Variants in ADAMTSL1 observed in about 807,000 individuals in gnomAD.
The protein encoded by ADAMTSL1 is ADAMTS like 1.
In ADAMTSL1, 126 loss-of-function variants were observed where a neutral mutation model predicts 201.8. That is an observed-to-expected ratio of 0.62 (90% confidence interval 0.54 to 0.72). ADAMTSL1 has a LOEUF of 0.72. Among genes scored for constraint, ADAMTSL1 ranks in the 30% least tolerant of loss-of-function variants. The pLI, the probability that ADAMTSL1 is intolerant of heterozygous loss-of-function variation, is 0.00. For synonymous variants in ADAMTSL1, 1,121 were observed against 903.4 expected (o/e 1.24, Z -4.32); for missense variants, 2,679 against 2,277.8 (o/e 1.18, Z -3.59).
chr9:18,119,825 C>G (rs1825423477), intron 1 of ADAMTSL1, among the ~76,000 whole-genome samples: 1 of 152,010 alleles, frequency 6.6e-6, no homozygotes, highest in African/African-American at 2.4e-5. Flanking sequence ...GTAACAGAAA[C>G]CAAGACAGAA....
Position 18,182,068 on chromosome 9 carries a change from C to T in ADAMTSL1, c.207+18087C>T, listed in dbSNP as rs1038926974. 9.6e-5 allele frequency among the ~76,000 whole-genome samples: 14 copies of T among 146,214 alleles called. No homozygotes were observed. In the East Asian group the frequency reaches 2.0e-3, roughly 21 times the overall value. On this transcript the variant is annotated intron_variant, in intron 2 of 29. Coordinates refer to the ADAMTSL1 transcript ENST00000680146. ...AAACCAAACACCGCATATTCTCACTCATAGGTGGGAATTGAGCTATGAGAA... is the reference window on the plus strand; with the variant it reads ...AAACCAAACACCGCATATTCTCACTTATAGGTGGGAATTGAGCTATGAGAA...
chr9:18,052,697 A>C (rs61488521), intron 1 of ADAMTSL1, among the ~76,000 whole-genome samples: 7,337 of 152,258 alleles, frequency 0.048, 449 homozygotes, highest in African/African-American at 0.15. Context: ...ACTGTATTAA[A>C]AACAGCATCA....
intron 1 of ADAMTSL1, among the ~76,000 whole-genome samples, chr9:18,044,433 G>A (rs1162811403): frequency 6.6e-6 from 1 of 152,110 alleles, no homozygotes; most frequent in African/African-American, 2.4e-5. Context: ...TTTTTCTTAA[G>A]GGAGAGGATA....
At chr9:18,320,910 A>C (rs896618369) in intron 2 of ADAMTSL1, among the ~76,000 whole-genome samples, 8 of 152,142 alleles carry the variant, frequency 5.3e-5, no homozygotes, top group African/African-American at 1.9e-4. Context: ...GAAGGCAAGA[A>C]TAGGAGGCAG....
intron 2 of ADAMTSL1, among the ~76,000 whole-genome samples, chr9:18,429,946 C>T (rs551719910): frequency 2.0e-5 from 3 of 151,938 alleles, no homozygotes; most frequent in East Asian, 1.9e-4. Context: ...CGTGCCACGA[C>T]ACCCAGCTAG....
intron 1 of ADAMTSL1, among the ~76,000 whole-genome samples, chr9:18,020,777 C>T (rs145308569): frequency 7.9e-5 from 12 of 152,252 alleles, no homozygotes; most frequent in African/African-American, 2.9e-4. Flanking sequence ...AAATGTCTGT[C>T]TACCTCATTG....
chr9:18,869,715 C>T (rs1827769400), intron 23 of ADAMTSL1, among the ~76,000 whole-genome samples: 1 of 152,082 alleles, frequency 6.6e-6, no homozygotes, highest in African/African-American at 2.4e-5. Context: ...TACATGTAGT[C>T]TAGCTTTTTT....
intron 1 of ADAMTSL1, among the ~76,000 whole-genome samples, chr9:18,108,310 C>T (rs1824852774): frequency 6.6e-6 from 1 of 151,680 alleles, no homozygotes; most frequent in Non-Finnish European, 1.5e-5. Flanking sequence ...AGCCATCTTC[C>T]CACCTCATCC....
intron 1 of ADAMTSL1, among the ~76,000 whole-genome samples, chr9:17,978,925 A>T (rs572029315): frequency 6.6e-6 from 1 of 150,590 alleles, no homozygotes; most frequent in Non-Finnish European, 1.5e-5. Flanking sequence ...TTCATTTGAA[A>T]TACAGCTTTA....
intron 1 of ADAMTSL1, among the ~76,000 whole-genome samples, chr9:18,020,753 G>A (rs755077839): frequency 2.6e-5 from 4 of 152,224 alleles, no homozygotes; most frequent in African/African-American, 9.6e-5. Flanking sequence ...AACTGACATA[G>A]AGGGAGTCTC....
chr9:18,827,972 A>C (rs563239682), intron 22 of ADAMTSL1, among the ~76,000 whole-genome samples: 165 of 152,350 alleles, frequency 1.1e-3, no homozygotes, highest in African/African-American at 3.9e-3. Flanking sequence ...TTAATCTGCA[A>C]AAATGTAGCT....
chr9:18,386,755 T>C (rs551748489), intron 2 of ADAMTSL1, among the ~76,000 whole-genome samples: 1 of 152,196 alleles, frequency 6.6e-6, no homozygotes, highest in African/African-American at 2.4e-5. Flanking sequence ...CTGTTTAACA[T>C]TTTCGGATCC....
intron 2 of ADAMTSL1, among the ~76,000 whole-genome samples, chr9:18,192,566 A>T (rs1829011826): frequency 6.6e-6 from 1 of 152,154 alleles, no homozygotes. Flanking sequence ...ATATTTTGGA[A>T]GCTACAGTAT....
At chr9:18,091,525 T>C (rs1005319398) in intron 1 of ADAMTSL1, among the ~76,000 whole-genome samples, 1 of 152,134 alleles carries the variant, frequency 6.6e-6, no homozygotes, top group Non-Finnish European at 1.5e-5. Flanking sequence ...CCTTGTACTA[T>C]GGAGAATAAG....
intron 23 of ADAMTSL1, among the ~76,000 whole-genome samples, chr9:18,841,781 G>C (rs971696156): frequency 1.9e-3 from 296 of 152,168 alleles, no homozygotes; most frequent in Admixed American, 4.4e-3. Context: ...TGTATGTGTC[G>C]AGGAATTTAT....
At chr9:18,823,726 T>C (rs911089041) in intron 21 of ADAMTSL1, among the ~76,000 whole-genome samples, 1 of 152,218 alleles carries the variant, frequency 6.6e-6, no homozygotes, top group Non-Finnish European at 1.5e-5. Flanking sequence ...TGGTGGCTCG[T>C]GCCTGTAATC....
chr9:18,340,449 A>C (rs1835423303), intron 2 of ADAMTSL1, among the ~76,000 whole-genome samples: 1 of 152,156 alleles, frequency 6.6e-6, no homozygotes, highest in Non-Finnish European at 1.5e-5. Context: ...AACACAATAC[A>C]TCCCAAACTG....
rs191596755 is a variant in ADAMTSL1, at chr9:18,706,253, G to A, written c.1575-494G>A. ...ATTTGTAAACTGTCGTGGCACTGGT[G>A]GGAGTGTCTTTTAGTATGTGAATGT... is the stretch of plus-strand genomic sequence containing the variant. On this transcript the variant is annotated intron_variant, in intron 13 of 28. Transcript: ENST00000380548. Among the ~76,000 whole-genome samples, 589 of 152,252 alleles carry A rather than the reference G, an allele frequency of 3.9e-3. 1 individual carries two copies. The highest frequency in any genetic ancestry group is 6.1e-3 in the Non-Finnish European group (418 of 68,028).
At chr9:18,135,084 A>AAT (rs938516502) in intron 1 of ADAMTSL1, among the ~76,000 whole-genome samples, 27 of 152,162 alleles carry the variant, frequency 1.8e-4, no homozygotes, top group African/African-American at 6.0e-4. Flanking sequence ...CCTGGGGCAC[A>AAT]ATCTATCTCT....
Sources: gnomAD v4.1 joint callset for allele counts (sites outside exome capture counted in the v4.1 genomes callset) on GRCh38, gnomAD v4.1.1 for gene constraint, MANE v1.5 for transcripts, NCBI Gene and HGNC (gene_info 2026-07-23, HGNC 2026-07-21) for gene names.